The following DLG1 variants were observed in gnomAD, a reference collection of about 807,000 sequenced individuals.
DLG1 encodes disks large homolog 1.
A neutral mutation model predicts 123.4 loss-of-function variants in DLG1; 42 were observed. The ratio of observed to expected loss-of-function variants is 0.34; its 90% CI spans 0.27 to 0.44. The LOEUF (loss-of-function observed/expected upper bound fraction) is 0.44. Ranked by LOEUF, DLG1 falls within the 20% of genes least tolerant of loss-of-function variation. DLG1 has a pLI of 1.00. For synonymous variants in DLG1, 317 were observed against 356.2 expected (o/e 0.89, Z 1.24); for missense variants, 942 against 1,082.6 (o/e 0.87, Z 1.82).
intron 24 of DLG1, 101 bp downstream of exon 24, chr3:197,051,476 G>A: frequency 1.2e-6 from 1 of 856,516 alleles, no homozygotes; most frequent in South Asian, 1.5e-5. Flanking sequence ...GTTACTACGG[G>A]TAGATGTAGG....
chr3:197,191,268 A>G (rs1303354225), intron 5 of DLG1, among the ~76,000 whole-genome samples: 1 of 152,166 alleles, frequency 6.6e-6, no homozygotes, highest in Non-Finnish European at 1.5e-5. Context: ...CCTTAGGGAT[A>G]ACACCTTAGG....
chr3:197,283,800 C>T (rs1327612442), intron 3 of DLG1, among the ~76,000 whole-genome samples: 2 of 151,280 alleles, frequency 1.3e-5, no homozygotes. Context: ...AAGCATTAGT[C>T]CTTTTAAAAA....
At chr3:197,235,218 T>C (rs1245501776) in intron 4 of DLG1, among the ~76,000 whole-genome samples, 5 of 152,086 alleles carry the variant, frequency 3.3e-5, no homozygotes, top group African/African-American at 7.2e-5. Flanking sequence ...CCCAAGCCAA[T>C]ACAGCCATCT....
chr3:197,045,502 A>T lies in DLG1; in HGVS notation c.2576-773T>A, dbSNP rs187261637. Among the ~76,000 whole-genome samples, 49 of 151,992 alleles carry T rather than the reference A, an allele frequency of 3.2e-4. 1 individual carries two copies. Among genetic ancestry groups the T allele is most frequent in the African/African-American group, 1.2e-3 (48 of 41,454 alleles). ...ATGCCTGCAATCCTAGCACTTTGGG[A>T]GGCTGAAGTGGGAGGGTTGCTTGAG... is the stretch of plus-strand genomic sequence containing the variant. On this transcript the variant is annotated intron_variant, in intron 24 of 24. Coordinates refer to ENST00000667157, the MANE Select transcript of DLG1 (RefSeq NM_001366207.1).
intron 15 of DLG1, among the ~76,000 whole-genome samples, chr3:197,088,398 T>C (rs1208641365): frequency 2.6e-5 from 4 of 152,126 alleles, no homozygotes; most frequent in Admixed American, 2.6e-4. Flanking sequence ...CAGGGTATCA[T>C]TCCCTCCCCC....
At chr3:197,188,741 G>C (rs898355694) in intron 5 of DLG1, among the ~76,000 whole-genome samples, 2 of 152,232 alleles carry the variant, frequency 1.3e-5, no homozygotes, top group Admixed American at 1.3e-4. Context: ...TTTTAAAAAA[G>C]AGACTACTAG....
At chr3:197,136,417 C>T (rs1025303346) in intron 10 of DLG1, 125 bp downstream of exon 10, 2 of 674,844 alleles carry the variant, frequency 3.0e-6, no homozygotes, top group Non-Finnish European at 4.9e-6. Context: ...TTTGATACAG[C>T]AAGGCTAGTA....
Position 197,043,907 on chromosome 3 carries a change from G to A in DLG1, c.*716C>T, listed in dbSNP as rs896075736. 6.6e-6 allele frequency: 1 copy of A among 152,096 alleles called. No homozygotes were observed. The highest frequency in any genetic ancestry group is 1.5e-5 in the Non-Finnish European group (1 of 68,004). 9.4% of individuals were successfully genotyped at this position (152,096 alleles called of 1,614,324 possible). The stretch of plus-strand genomic sequence containing the variant: ...TGAACATGGCCTCAATTCACGAAAT[G>A]TGATGATCATTTACATATGAACAAC... On this transcript the variant is annotated 3_prime_UTR_variant, in exon 25 of 25. Coordinates refer to ENST00000667157, the MANE Select transcript of DLG1 (RefSeq NM_001366207.1).
intron 4 of DLG1, among the ~76,000 whole-genome samples, chr3:197,268,844 A>C (rs1323749177): frequency 6.6e-6 from 1 of 151,304 alleles, no homozygotes; most frequent in Non-Finnish European, 1.5e-5. Flanking sequence ...TCTATTTTTT[A>C]ATTTTTTTTT....
chr3:197,143,972 G>T (rs769703280), intron 6 of DLG1, among the ~76,000 whole-genome samples: 11 of 152,168 alleles, frequency 7.2e-5, no homozygotes, highest in Non-Finnish European at 1.3e-4. Flanking sequence ...ATGAACATGG[G>T]TTTGAATCCT....
At chr3:197,090,151 G>C (rs76311548) in intron 15 of DLG1, among the ~76,000 whole-genome samples, 6,735 of 152,066 alleles carry the variant, frequency 0.044, 201 homozygotes, top group South Asian at 0.058. Flanking sequence ...GAATCAGGAC[G>C]ACTGAGATGA....
chr3:197,189,014 G>C (rs1052680348), intron 5 of DLG1, among the ~76,000 whole-genome samples: 1 of 152,042 alleles, frequency 6.6e-6, no homozygotes, highest in Non-Finnish European at 1.5e-5. Flanking sequence ...ATGAAAGAGG[G>C]GAAGCAGGTA....
At chr3:197,134,669 G>GA (rs1784253429) in intron 10 of DLG1, among the ~76,000 whole-genome samples, 1 of 152,152 alleles carries the variant, frequency 6.6e-6, no homozygotes. Context: ...GCCCTTCCCA[G>GA]TTTTCTGAGC....
intron 4 of DLG1, among the ~76,000 whole-genome samples, chr3:197,254,018 A>G (rs575131016): frequency 6.6e-6 from 1 of 152,186 alleles, no homozygotes; most frequent in Non-Finnish European, 1.5e-5. Flanking sequence ...ACACTTACCT[A>G]AACAGTGTAT....
chr3:197,259,260 G>A (rs1758261625), intron 4 of DLG1, among the ~76,000 whole-genome samples: 1 of 152,120 alleles, frequency 6.6e-6, no homozygotes, highest in Admixed American at 6.6e-5. Flanking sequence ...TTTACCTAGA[G>A]GTACAGAGAA....
intron 18 of DLG1, chr3:197,069,904 C>T (rs959943052): frequency 6.6e-6 from 1 of 152,114 alleles, no homozygotes; most frequent in African/African-American, 2.4e-5. Context: ...AGGGAAGGCA[C>T]CGATGGTGGC....
At chr3:197,092,404 A>G (rs549968275) in intron 14 of DLG1, among the ~76,000 whole-genome samples, 5 of 152,326 alleles carry the variant, frequency 3.3e-5, no homozygotes, top group East Asian at 3.9e-4. Flanking sequence ...TAGACCACCA[A>G]CACTACTACC....
In DLG1 at chr3:197,266,587, T is replaced by G. The variant is rs1761791591; in HGVS notation, c.318+16092A>C. On this transcript the variant is annotated intron_variant, in intron 4 of 24. Coordinates refer to ENST00000667157, the MANE Select transcript of DLG1 (RefSeq NM_001366207.1). ...ATGACCACATCACTGCACTGCAGCC[T>G]GGGCGACGCAGCAAGACCCTGTCTC... is the stretch of plus-strand genomic sequence containing the variant. Among the ~76,000 whole-genome samples the G allele has an allele frequency of 2.0e-5, 3 of 152,016 alleles. No individual in the cohort carries two copies. In the South Asian group the frequency reaches 6.2e-4, roughly 31 times the overall value.
At chr3:197,283,004 T>C (rs1014337678) in intron 3 of DLG1, among the ~76,000 whole-genome samples, 159 bp from the exon 4 acceptor site, 3 of 152,222 alleles carry the variant, frequency 2.0e-5, no homozygotes, top group African/African-American at 7.2e-5. Context: ...TCTTATTTCA[T>C]TATATCACAA....
Sources: allele counts gnomAD v4.1 joint callset (sites outside exome capture counted in the v4.1 genomes callset), GRCh38; gene constraint gnomAD v4.1.1; transcripts MANE v1.5; gene names NCBI Gene and HGNC (gene_info 2026-07-23, HGNC 2026-07-21).